Variants in EHF observed in about 807,000 individuals in gnomAD.
EHF encodes ETS homologous factor.
In EHF, 14 loss-of-function variants were observed where a neutral mutation model predicts 45.1. That is an observed-to-expected ratio of 0.31 (90% CI 0.21 to 0.49). The LOEUF is 0.49. Among genes scored for constraint, EHF ranks in the 20% least tolerant of loss-of-function variants. The pLI, the probability that EHF is intolerant of heterozygous loss-of-function variation, is 0.99. For synonymous variants in EHF, 136 were observed against 131.8 expected (o/e 1.03, Z -0.22); for missense variants, 282 against 371.4 (o/e 0.76, Z 1.98).
At chr11:34,626,455 A>G (rs1227313986) in intron 1 of EHF, among the ~76,000 whole-genome samples, 1 of 152,228 alleles carries the variant, frequency 6.6e-6, no homozygotes, top group Non-Finnish European at 1.5e-5. Flanking sequence ...TATTCTGGAC[A>G]ATAAGGTGAG....
chr11:34,632,618 T>A (rs572121719), intron 1 of EHF: 1 of 1,535,660 alleles, frequency 6.5e-7, no homozygotes, highest in South Asian at 1.2e-5. Flanking sequence ...AGAGGATTGG[T>A]CCTGCTTTTA....
Position 34,633,784 on chromosome 11 carries a change from A to T in EHF, c.-3-8844A>T, listed in dbSNP as rs1366498807. Among the ~76,000 whole-genome samples the T allele has an allele frequency of 3.3e-5, 5 of 152,192 alleles. No homozygotes were observed. In the East Asian group the frequency reaches 9.6e-4, roughly 29 times the overall value. ...GGGTTTGATAAAGGCCCTGGGGGTC[A>T]TCTTAGGCAAGCTTGTCTTTTGATC... On this transcript the variant is annotated intron_variant, in intron 1 of 8. Coordinates refer to ENST00000257831, the MANE Select transcript of EHF (RefSeq NM_012153.6).
At chr11:34,647,434 A>G (rs980402182) in intron 3 of EHF, among the ~76,000 whole-genome samples, 3 of 152,220 alleles carry the variant, frequency 2.0e-5, no homozygotes, top group African/African-American at 7.2e-5. Context: ...CTATACTGAC[A>G]TGTAAGACCT....
At chr11:34,624,630 T>C (rs962084717) in intron 1 of EHF, among the ~76,000 whole-genome samples, 9 of 152,208 alleles carry the variant, frequency 5.9e-5, no homozygotes, top group African/African-American at 2.2e-4. Context: ...TCACCACAGC[T>C]ATTCTTAGGG....
intron 1 of EHF, among the ~76,000 whole-genome samples, chr11:34,640,041 C>A (rs1361904602): frequency 6.7e-6 from 1 of 150,232 alleles, no homozygotes; most frequent in African/African-American, 2.5e-5. Context: ...TTTTTCACTA[C>A]TTGCCAAGCT....
In EHF at chr11:34,651,915, G is replaced by A. The variant is rs1010499950; in HGVS notation, c.544+110G>A. On this transcript the variant is annotated intron_variant, in intron 6 of 8. Coordinates refer to ENST00000257831, the MANE Select transcript of EHF (RefSeq NM_012153.6). ...TTTCTGGAGTCTTTCTAATTAAAGG[G>A]CTAGGAAAGGGATGGGGTTACCATT... 10 of 1,062,108 alleles carry A rather than the reference G, an allele frequency of 9.4e-6. No homozygotes were observed. The Admixed American group carries it at 2.4e-4, about 26-fold the overall frequency. The allele number at this position is 1,062,108 out of a possible 1,614,324, so 65.8% of individuals were successfully genotyped here. A position where few individuals can be genotyped will look rare whatever the true frequency, so the allele number is the denominator to read the frequency against.
chr11:34,645,789 C>T (rs1030183814), intron 2 of EHF, among the ~76,000 whole-genome samples: 1 of 152,082 alleles, frequency 6.6e-6, no homozygotes, highest in Non-Finnish European at 1.5e-5. Context: ...TAGTGAAGAG[C>T]CTCAATGCCT....
In EHF at chr11:34,662,194, G is replaced by GAATA. The variant is rs2134260117; in HGVS notation, c.*3263_*3264insAATA. Among the ~76,000 whole-genome samples, 1 of 152,224 alleles carries GAATA rather than the reference G, an allele frequency of 6.6e-6. No homozygotes were observed. The highest frequency in any genetic ancestry group is 2.4e-5 in the African/African-American group (1 of 41,556). ...ATATTTGTTCAATGAATGAATGAATGTCTTCTAAAAGACTCCTCTGATTGG... is the reference window on the plus strand; with the variant it reads ...ATATTTGTTCAATGAATGAATGAATGAATATCTTCTAAAAGACTCCTCTGATTGG... On this transcript the variant is annotated 3_prime_UTR_variant, in exon 9 of 9. Transcript: ENST00000257831.
chr11:34,633,428 A>G (rs528326852), intron 1 of EHF, among the ~76,000 whole-genome samples: 60 of 152,248 alleles, frequency 3.9e-4, no homozygotes, highest in Admixed American at 1.2e-3. Flanking sequence ...GTAAGTCTAT[A>G]TAGACCAGAA....
At chr11:34,624,874 A>G (rs1342795183) in intron 1 of EHF, among the ~76,000 whole-genome samples, 1 of 152,184 alleles carries the variant, frequency 6.6e-6, no homozygotes, top group Non-Finnish European at 1.5e-5. Flanking sequence ...ACGGCAGTCT[A>G]GGGACCTGGT....
At chr11:34,638,636 A>G (rs935730812) in intron 1 of EHF, among the ~76,000 whole-genome samples, 1 of 152,116 alleles carries the variant, frequency 6.6e-6, no homozygotes, top group Non-Finnish European at 1.5e-5. Context: ...TCTAGAGGGT[A>G]GGGGCCAGGG....
Position 34,661,274 on chromosome 11 carries a change from G to T in EHF, c.*2343G>T, listed in dbSNP as rs1856064012. Among the ~76,000 whole-genome samples the T allele has an allele frequency of 1.3e-5, 2 of 152,024 alleles. No individual in the cohort carries two copies. Among genetic ancestry groups the T allele is most frequent in the South Asian group, 2.1e-4 (1 of 4,824 alleles). ...GTCTGAGTTGTGTGATTTTATTAGGGGCATCTGCCAATTCTCTCACTGTGG... is the reference window on the plus strand; with the variant it reads ...GTCTGAGTTGTGTGATTTTATTAGGTGCATCTGCCAATTCTCTCACTGTGG... On this transcript the variant is annotated 3_prime_UTR_variant, in exon 9 of 9. Coordinates refer to ENST00000257831, the MANE Select transcript of EHF (RefSeq NM_012153.6).
At chr11:34,644,288 G>C (rs993708851) in intron 2 of EHF, among the ~76,000 whole-genome samples, 2 of 152,172 alleles carry the variant, frequency 1.3e-5, no homozygotes, top group Non-Finnish European at 2.9e-5. Context: ...AAAGAAAGAT[G>C]AAAGACTTGG....
At chr11:34,655,047 C>G (rs1173772110) in intron 6 of EHF, among the ~76,000 whole-genome samples, 5 of 152,152 alleles carry the variant, frequency 3.3e-5, no homozygotes, top group Non-Finnish European at 7.4e-5. Flanking sequence ...GCAATATTGT[C>G]ACATCCTGAT....
chr11:34,652,377 C>G (rs997365452), intron 6 of EHF, among the ~76,000 whole-genome samples: 2 of 152,214 alleles, frequency 1.3e-5, no homozygotes. Context: ...GTTACGTTCA[C>G]TTTAGCTGCA....
chr11:34,623,206 C>T (rs913631592), intron 1 of EHF, among the ~76,000 whole-genome samples: 1 of 152,008 alleles, frequency 6.6e-6, no homozygotes, highest in African/African-American at 2.4e-5. Context: ...CCAACTCAGC[C>T]CCCCGAGTAG....
At chr11:34,647,083 A>ACCCCCCC (rs1335937029) in intron 3 of EHF, among the ~76,000 whole-genome samples, 1 of 138,832 alleles carries the variant, frequency 7.2e-6, no homozygotes, top group African/African-American at 2.8e-5. Context: ...AACAAAACAA[A>ACCCCCCC]ACCCCCCCCA....
chr11:34,649,131 G>A (rs1414933797), intron 4 of EHF, 50 bp downstream of exon 4: 3 of 1,597,810 alleles, frequency 1.9e-6, no homozygotes, highest in Non-Finnish European at 1.7e-6. Context: ...AAAGCTCCGG[G>A]GAGGACAGTT....
chr11:34,644,226 CT>C (rs1019354050), intron 2 of EHF, among the ~76,000 whole-genome samples: 4 of 152,132 alleles, frequency 2.6e-5, no homozygotes, highest in Non-Finnish European at 5.9e-5. Context: ...GTTGGTGCCT[CT>C]TGTTGTCAAA....
Sources: allele counts gnomAD v4.1 joint callset (sites outside exome capture counted in the v4.1 genomes callset), GRCh38; gene constraint gnomAD v4.1.1; transcripts MANE v1.5; gene names NCBI Gene and HGNC (gene_info 2026-07-23, HGNC 2026-07-21).